The following SLIT1 variants were observed in gnomAD, a reference collection of about 807,000 sequenced individuals.
SLIT1 encodes slit guidance ligand 1, also known as slit homolog 1 protein.
SLIT1 carries 66 observed loss-of-function variants against 186.1 expected under a neutral mutation model. That is an observed-to-expected ratio of 0.35 (90% confidence interval 0.29 to 0.44). The LOEUF is 0.44. Among genes scored for constraint, SLIT1 ranks in the 20% least tolerant of loss-of-function variants. The pLI is 1.00. For synonymous variants in SLIT1, 761 were observed against 833.8 expected (o/e 0.91, Z 1.50); for missense variants, 1,638 against 2,037.4 (o/e 0.80, Z 3.77).
rs1255086561 is a variant in SLIT1, at chr10:97,068,752, G to A, written c.414-2666C>T. On this transcript the variant is annotated intron_variant, in intron 4 of 36. Transcript: ENST00000266058. This position sits in a 1 kb window ranked among gnomAD's most constrained non-coding sequence, Gnocchi z 4.2. ...CTTTCATCTTCGATCTTGGTTACTT[G>A]TGCCATATCGCCAGCTCCCCAGTGT... 1.3e-5 allele frequency among the ~76,000 whole-genome samples: 2 copies of A among 152,102 alleles called. No individual in the cohort carries two copies. The highest frequency in any genetic ancestry group is 1.3e-4 in the Admixed American group (2 of 15,270).
chr10:97,059,963 G>C, intron 10 of SLIT1, 124 bp downstream of exon 10: 1 of 827,930 alleles, frequency 1.2e-6, no homozygotes, highest in Non-Finnish European at 2.1e-6. Flanking sequence ...AGGAAGGTCA[G>C]GTGGCTGGCC....
intron 1 of SLIT1, among the ~76,000 whole-genome samples, chr10:97,173,000 C>T (rs1850210561): frequency 6.6e-6 from 1 of 151,998 alleles, no homozygotes; most frequent in Non-Finnish European, 1.5e-5. Context: ...ATGTTCTCCC[C>T]AAATGGACAT....
At chr10:97,143,187 T>G (rs1234768787) in intron 4 of SLIT1, among the ~76,000 whole-genome samples, 2 of 152,210 alleles carry the variant, frequency 1.3e-5, no homozygotes, top group Non-Finnish European at 2.9e-5. Context: ...ATACCCATGT[T>G]CATAGCAGCA....
intron 1 of SLIT1, among the ~76,000 whole-genome samples, chr10:97,180,277 G>C (rs1249079004): frequency 6.6e-6 from 1 of 152,220 alleles, no homozygotes; most frequent in Non-Finnish European, 1.5e-5. Flanking sequence ...CTGTCTGCCA[G>C]GCCCTGTGCA....
Position 97,013,747 on chromosome 10 carries a change from C to CCACA in SLIT1, c.3196_3197insTGTG (p.Gly1066ValfsTer6). 1 of 1,550,972 alleles carries CCACA rather than the reference C, an allele frequency of 6.4e-7. No homozygotes were observed. Among genetic ancestry groups the CCACA allele is most frequent in the Non-Finnish European group, 8.7e-7 (1 of 1,146,424 alleles). ...GGAAAGGGGCAACACTCACCTGGGC[C>CCACA]CATCCGGGGTGCCCACACACTGGGC... On this transcript the variant is annotated frameshift_variant, in exon 30 of 37. Transcript: ENST00000266058. LOFTEE classifies it high-confidence loss of function.
intron 1 of SLIT1, among the ~76,000 whole-genome samples, chr10:97,166,580 A>G: frequency 3.1e-5 from 3 of 97,058 alleles, no homozygotes; most frequent in Non-Finnish European, 4.3e-5. Flanking sequence ...AGAAAGAAAG[A>G]AAGAAAGAAA....
In SLIT1 at chr10:97,002,285, G is replaced by A. The variant is rs1347325785; in HGVS notation, c.4239C>T (p.Asn1413=). 1 of 1,610,354 alleles carries A rather than the reference G, an allele frequency of 6.2e-7. No individual in the cohort carries two copies. The highest frequency in any genetic ancestry group is 1.1e-5 in the South Asian group (1 of 90,480). The part of the protein sequence containing the change: ...CQDGYSGALC[N]QAGALAEPCR... ...AGGGCTCTGCCAGGGCCCCGGCCTGGTTGCACAGTGCCCCCGAGTACCCAT... is the reference window on the plus strand; with the variant it reads ...AGGGCTCTGCCAGGGCCCCGGCCTGATTGCACAGTGCCCCCGAGTACCCAT... Residue 1413 remains asparagine, a synonymous_variant, in exon 36 of 37, where the codon AAC becomes AAT. Coordinates refer to ENST00000266058, the MANE Select transcript of SLIT1 (RefSeq NM_003061.3).
intron 3 of SLIT1, among the ~76,000 whole-genome samples, chr10:97,160,640 G>A (rs1450153937): frequency 6.6e-6 from 1 of 152,154 alleles, no homozygotes; most frequent in Non-Finnish European, 1.5e-5. Flanking sequence ...AAAAGAGGAG[G>A]GGTCAGTAAA....
rs966424079 is a variant in SLIT1, at chr10:97,077,132, G to A, written c.414-11046C>T. On this transcript the variant is annotated intron_variant, in intron 4 of 36. Transcript: ENST00000266058. ...CAGCTAACAAAATCAGCGAGACATG[G>A]TGATGTCTGCCTGTAGTCCTAGCTA... 2.0e-5 allele frequency among the ~76,000 whole-genome samples: 3 copies of A among 152,184 alleles called. No homozygotes were observed. In the East Asian group the frequency reaches 5.8e-4, roughly 29 times the overall value.
chr10:97,043,588 G>A lies in SLIT1; in HGVS notation c.1854-75C>T, dbSNP rs1206746850. 4.2e-5 allele frequency: 58 copies of A among 1,382,780 alleles called. No individual in the cohort carries two copies. The highest frequency in any genetic ancestry group is 1.3e-4 in the South Asian group (10 of 78,890). 85.7% of individuals were successfully genotyped at this position (1,382,780 alleles called of 1,614,324 possible). ...CATCCACCTGGGCCACGCAGCTTCC[G>A]CCATCGTGGCTCGTTCACAGTTCTC... On this transcript the variant is annotated intron_variant, in intron 18 of 36. Coordinates refer to ENST00000266058, the MANE Select transcript of SLIT1 (RefSeq NM_003061.3). This position sits in a 1 kb window ranked among gnomAD's most constrained non-coding sequence, Gnocchi z 7.0.
At chr10:97,032,015 CTGT>C (rs1848595910) in intron 23 of SLIT1, among the ~76,000 whole-genome samples, 1 of 152,246 alleles carries the variant, frequency 6.6e-6, no homozygotes, top group Admixed American at 6.5e-5. Flanking sequence ...AGGAGAGTTG[CTGT>C]TGTTATGATT....
chr10:97,009,143 C>T (rs1359891435), intron 31 of SLIT1, among the ~76,000 whole-genome samples: 8 of 152,116 alleles, frequency 5.3e-5, no homozygotes, highest in Admixed American at 5.2e-4. Flanking sequence ...TCCCAAAGTG[C>T]TGGGATTACA....
At chr10:97,121,190 G>A (rs1185909617) in intron 4 of SLIT1, among the ~76,000 whole-genome samples, 1 of 152,194 alleles carries the variant, frequency 6.6e-6, no homozygotes, top group Non-Finnish European at 1.5e-5. Flanking sequence ...CCTCTCAACA[G>A]CATGGAAGGC....
At chr10:97,089,235 G>A (rs1028287581) in intron 4 of SLIT1, among the ~76,000 whole-genome samples, 2 of 152,128 alleles carry the variant, frequency 1.3e-5, no homozygotes, top group Non-Finnish European at 1.5e-5. Context: ...AGAAGTGAAA[G>A]AAGAAAAAAA....
intron 22 of SLIT1, 44 bp from the exon 23 acceptor site, chr10:97,034,586 G>A (rs1848621901): frequency 5.9e-6 from 9 of 1,537,544 alleles, no homozygotes; most frequent in Non-Finnish European, 8.1e-6. Flanking sequence ...AACTCACTCA[G>A]CCCTGGCTCA....
intron 4 of SLIT1, among the ~76,000 whole-genome samples, chr10:97,096,004 C>G (rs1849285005): frequency 6.6e-6 from 1 of 152,100 alleles, no homozygotes; most frequent in Non-Finnish European, 1.5e-5. Context: ...AAGGTCCCTC[C>G]CGGATCTCAC....
intron 22 of SLIT1, among the ~76,000 whole-genome samples, chr10:97,034,933 G>A (rs895585969): frequency 3.3e-5 from 5 of 152,278 alleles, no homozygotes; most frequent in African/African-American, 9.6e-5. Flanking sequence ...CCCTCCCTAC[G>A]AGGCAGTCCT....
chr10:97,152,622 A>G (rs1434607179), intron 4 of SLIT1, among the ~76,000 whole-genome samples: 2 of 152,184 alleles, frequency 1.3e-5, no homozygotes, highest in Non-Finnish European at 2.9e-5. Flanking sequence ...TATCACAGGC[A>G]TTTGCTTCAC....
At chr10:97,054,475 A>G (rs1253212856) in intron 13 of SLIT1, among the ~76,000 whole-genome samples, 1 of 152,176 alleles carries the variant, frequency 6.6e-6, no homozygotes, top group Non-Finnish European at 1.5e-5. Context: ...AAACAGACTG[A>G]TACAAATTCA....
Sources: gnomAD v4.1 joint callset for allele counts (sites outside exome capture counted in the v4.1 genomes callset) on GRCh38, gnomAD v4.1.1 for gene constraint, Gnocchi (gnomAD v3.1) non-coding constraint, MANE v1.5 for transcripts, NCBI Gene and HGNC (gene_info 2026-07-23, HGNC 2026-07-21) for gene names.